Variants in MYH11 observed in about 807,000 individuals in gnomAD.
The protein encoded by MYH11 is myosin heavy chain 11, also known as myosin-11.
MYH11 carries 80 observed loss-of-function variants against 246.6 expected under a neutral mutation model. The ratio of observed to expected loss-of-function variants is 0.32; its 90% CI spans 0.27 to 0.39. MYH11 has a LOEUF of 0.39. Among genes scored for constraint, MYH11 ranks in the 10% least tolerant of loss-of-function variants. The probability of loss-of-function intolerance (pLI) is 1.00; values close to 1 mark genes in which losing one functional copy is unlikely to be tolerated. For missense variants in MYH11, 2,158 were observed against 2,546.8 expected (o/e 0.85, Z 3.29); for synonymous variants, 1,071 against 1,015.5 (o/e 1.05, Z -1.04).
At chr16:15,803,825 G>A (rs1440914131) in intron 3 of MYH11, among the ~76,000 whole-genome samples, 2 of 152,180 alleles carry the variant, frequency 1.3e-5, no homozygotes, top group Non-Finnish European at 2.9e-5. Flanking sequence ...CCAGGAGAAG[G>A]CCTGGGAGCT....
At chr16:15,836,127 C>G (rs2043885207) in intron 2 of MYH11, among the ~76,000 whole-genome samples, 1 of 152,070 alleles carries the variant, frequency 6.6e-6, no homozygotes. Context: ...GTAACCTGCT[C>G]GAGGGTGAGC....
chr16:15,718,342 G>A lies in MYH11; in HGVS notation c.5268C>T (p.Ser1756=), dbSNP rs139620532. The change falls in exon 37 of 41, where the codon AGC becomes AGT. Residue 1756 remains serine (S), a synonymous_variant. Coordinates refer to ENST00000300036, the MANE Select transcript of MYH11 (RefSeq NM_002474.3). ...GCTGTGTGGCTTTGCGGACCCGGTC[G>A]CTCATGGCCTCCATGTTGCCCTGCT... is the stretch of plus-strand genomic sequence containing the variant. ...EEEQGNMEAM[S]DRVRKATQQA... 21 of 1,608,920 alleles carry A rather than the reference G, an allele frequency of 1.3e-5. No homozygotes were observed. Among genetic ancestry groups the A allele is most frequent in the African/African-American group, 5.3e-5 (4 of 74,904 alleles).
At chr16:15,811,147 G>C (rs903925320) in intron 3 of MYH11, among the ~76,000 whole-genome samples, 1 of 152,134 alleles carries the variant, frequency 6.6e-6, no homozygotes, top group Admixed American at 6.6e-5. Flanking sequence ...GAGACACAGC[G>C]AGAAGGCAGC....
chr16:15,823,476 C>G, intron 2 of MYH11, 65 bp from the exon 3 acceptor site: 1 of 1,588,564 alleles, frequency 6.3e-7, no homozygotes, highest in Non-Finnish European at 8.6e-7. Context: ...CACAGAAGCA[C>G]TCAATATTCT....
At chr16:15,784,695 C>CA in intron 5 of MYH11, 2 of 1,613,896 alleles carry the variant, frequency 1.2e-6, no homozygotes, top group Admixed American at 3.3e-5. Context: ...CTCAGTTACT[C>CA]ACGTAGGCAA....
intron 22 of MYH11, among the ~76,000 whole-genome samples, chr16:15,740,787 T>A (rs1160963625): frequency 6.6e-6 from 1 of 152,114 alleles, no homozygotes; most frequent in Admixed American, 6.6e-5. Flanking sequence ...GGGGTTAGAT[T>A]TGCTTCTAAC....
chr16:15,754,803 A>C (rs2041668063), intron 14 of MYH11, among the ~76,000 whole-genome samples: 1 of 152,224 alleles, frequency 6.6e-6, no homozygotes, highest in South Asian at 2.1e-4. Flanking sequence ...AGCTGAGGTT[A>C]CAGTTGTGTG....
intron 5 of MYH11, 200 bp from the exon 6 acceptor site, chr16:15,782,677 C>T (rs373936005): frequency 2.2e-5 from 13 of 577,974 alleles, no homozygotes; most frequent in African/African-American, 1.9e-4. Flanking sequence ...TCTCTAATAG[C>T]TAGGACATCT....
At chr16:15,726,792 C>T in intron 28 of MYH11, 56 bp downstream of exon 28, 2 of 1,601,552 alleles carry the variant, frequency 1.2e-6, no homozygotes, top group South Asian at 2.2e-5. Context: ...GGCTCCTCCC[C>T]ACAGAACTGG....
At chr16:15,705,934 G>A (rs966140851) in intron 40 of MYH11, among the ~76,000 whole-genome samples, 1 of 131,904 alleles carries the variant, frequency 7.6e-6, no homozygotes, top group African/African-American at 2.9e-5. Flanking sequence ...GCAGTGAGCC[G>A]AGATGTGGCC....
rs561958912 is a variant in MYH11, at chr16:15,829,868, C to T, written c.346-6457G>A. 2.2e-4 allele frequency among the ~76,000 whole-genome samples: 33 copies of T among 152,306 alleles called. No homozygotes were observed. In the East Asian group the frequency reaches 3.9e-3, roughly 18 times the overall value. ...ACACAGGGATGGCCGGGCGCAGTGGCTCACACCTGTAATCCCGGCACTTTG... is the reference window on the plus strand; with the variant it reads ...ACACAGGGATGGCCGGGCGCAGTGGTTCACACCTGTAATCCCGGCACTTTG... On this transcript the variant is annotated intron_variant, in intron 2 of 40. Coordinates refer to ENST00000300036, the MANE Select transcript of MYH11 (RefSeq NM_002474.3).
At chr16:15,789,486 T>C (rs1007837490) in intron 4 of MYH11, among the ~76,000 whole-genome samples, 14 of 152,234 alleles carry the variant, frequency 9.2e-5, no homozygotes, top group Middle Eastern at 6.8e-3. Context: ...TTCACACAGA[T>C]AGGAAATGGA....
Position 15,738,673 on chromosome 16 carries a change from CAAG to C in MYH11, c.3010_3012del (p.Leu1004del). 6.2e-7 allele frequency: 1 copy of C among 1,613,984 alleles called. No individual in the cohort carries two copies. The highest frequency in any genetic ancestry group is 8.5e-7 in the Non-Finnish European group (1 of 1,179,920). ...GTCGTTAAGTCACTAATCCTCTCCT[CAAG>C]GAGTTTTCGTTCCTTTTTGGGGAAA... On this transcript the variant is annotated inframe_deletion, in exon 24 of 41. Coordinates refer to ENST00000300036, the MANE Select transcript of MYH11 (RefSeq NM_002474.3).
chr16:15,715,410 G>T (rs1000743087), intron 38 of MYH11, 138 bp from the exon 39 acceptor site: 13 of 772,760 alleles, frequency 1.7e-5, no homozygotes, highest in Non-Finnish European at 2.9e-5. Flanking sequence ...TCAGATGGTG[G>T]AATAGTATTC....
intron 26 of MYH11, among the ~76,000 whole-genome samples, chr16:15,734,046 C>T (rs2041044639): frequency 6.6e-6 from 1 of 152,176 alleles, no homozygotes; most frequent in Non-Finnish European, 1.5e-5. Context: ...TATGTGTTTA[C>T]TGAATGAATC....
chr16:15,725,066 A>C, intron 28 of MYH11, 74 bp from the exon 29 acceptor site: 5 of 1,243,848 alleles, frequency 4.0e-6, no homozygotes, highest in Non-Finnish European at 5.8e-6. Flanking sequence ...CTTTTTACTC[A>C]AAACACATGG....
intron 18 of MYH11, 59 bp from the exon 19 acceptor site, chr16:15,747,789 G>T (rs1253732154): frequency 1.2e-6 from 2 of 1,612,630 alleles, no homozygotes; most frequent in African/African-American, 1.3e-5. Flanking sequence ...GGCCAGTGAT[G>T]ACATGGGTAA....
At chr16:15,799,830 T>A (rs1210743026) in intron 3 of MYH11, among the ~76,000 whole-genome samples, 1 of 152,174 alleles carries the variant, frequency 6.6e-6, no homozygotes, top group East Asian at 1.9e-4. Flanking sequence ...TCATCAAAAA[T>A]CTCCTAGGCT....
intron 1 of MYH11, among the ~76,000 whole-genome samples, chr16:15,844,197 C>T (rs905903859): frequency 1.3e-5 from 2 of 152,124 alleles, no homozygotes; most frequent in African/African-American, 4.8e-5. Context: ...GCATGCTAAA[C>T]AATGCAGTAA....
Sources: allele counts gnomAD v4.1 joint callset (sites outside exome capture counted in the v4.1 genomes callset), GRCh38; gene constraint gnomAD v4.1.1; transcripts MANE v1.5; gene names NCBI Gene and HGNC (gene_info 2026-07-23, HGNC 2026-07-21).